PHACTR1: variants seen among roughly 807,000 people sequenced by gnomAD.
PHACTR1 encodes the protein RPEL repeat containing 1.
Under a neutral mutation model 69.2 loss-of-function variants are expected in PHACTR1, and 16 were observed. The ratio of observed to expected loss-of-function variants is 0.23; its 90% CI spans 0.16 to 0.35. PHACTR1 has a LOEUF of 0.35. Ranked by LOEUF, PHACTR1 falls within the 10% of genes least tolerant of loss-of-function variation. The pLI is 1.00. For synonymous variants in PHACTR1, 312 were observed against 284.5 expected, an observed-to-expected ratio of 1.10 and a Z score of -0.97; for missense variants, 510 against 734.7, an observed-to-expected ratio of 0.69 and a Z score of 3.54.
chr6:13,119,534 G>T (rs1203622171), intron 5 of PHACTR1, among the ~76,000 whole-genome samples: 1 of 152,122 alleles, frequency 6.6e-6, no homozygotes, highest in Non-Finnish European at 1.5e-5. Flanking sequence ...GGACCCACTA[G>T]CCCAGAATAG....
chr6:13,041,345 C>T (rs937480518), intron 4 of PHACTR1, among the ~76,000 whole-genome samples: 88 of 144,114 alleles, frequency 6.1e-4, no homozygotes, highest in African/African-American at 2.3e-3. Context: ...TACATACACA[C>T]ACACACACAC....
chr6:12,772,081 C>T (rs191974276), intron 4 of PHACTR1, among the ~76,000 whole-genome samples: 101 of 152,308 alleles, frequency 6.6e-4, no homozygotes, highest in Non-Finnish European at 1.2e-3. Context: ...ATTTCCCATT[C>T]CAGGACATTG....
chr6:12,937,272 A>T (rs1789560150), intron 4 of PHACTR1, among the ~76,000 whole-genome samples: 1 of 152,128 alleles, frequency 6.6e-6, no homozygotes, highest in Non-Finnish European at 1.5e-5. Context: ...GGCCACAACC[A>T]CACTGCCACC....
chr6:13,265,727 T>A (rs2127430687), intron 10 of PHACTR1, among the ~76,000 whole-genome samples: 1 of 152,304 alleles, frequency 6.6e-6, no homozygotes, highest in South Asian at 2.1e-4. Context: ...CTATATTTTC[T>A]TTCCCATTAC....
chr6:13,177,148 G>A (rs1341330619), intron 6 of PHACTR1, among the ~76,000 whole-genome samples: 1 of 118,756 alleles, frequency 8.4e-6, no homozygotes, highest in Non-Finnish European at 1.6e-5. Flanking sequence ...GACCAGCCTT[G>A]GCAAAATAGC....
chr6:12,796,625 A>C (rs1027824287), intron 4 of PHACTR1, among the ~76,000 whole-genome samples: 1 of 152,218 alleles, frequency 6.6e-6, no homozygotes, highest in African/African-American at 2.4e-5. Flanking sequence ...GAGTCTCTGC[A>C]GACACTTAAG....
intron 4 of PHACTR1, among the ~76,000 whole-genome samples, chr6:12,961,824 C>G (rs145570267): frequency 1.3e-5 from 2 of 152,324 alleles, no homozygotes; most frequent in East Asian, 3.9e-4. Context: ...TTCCTGAGGT[C>G]TTGCTCCTTG....
At chr6:12,870,957 C>G (rs1247327112) in intron 4 of PHACTR1, among the ~76,000 whole-genome samples, 1 of 152,202 alleles carries the variant, frequency 6.6e-6, no homozygotes, top group African/African-American at 2.4e-5. Flanking sequence ...AATAAAATGA[C>G]TGTCTTGAGA....
chr6:13,232,053 C>A (rs942595127), intron 10 of PHACTR1, among the ~76,000 whole-genome samples: 1 of 152,170 alleles, frequency 6.6e-6, no homozygotes, highest in African/African-American at 2.4e-5. Flanking sequence ...AGGTGTATAG[C>A]CTTAAGTAAG....
intron 4 of PHACTR1, among the ~76,000 whole-genome samples, chr6:12,976,969 GTGTT>G (rs531538648): frequency 3.2e-3 from 493 of 152,244 alleles, no homozygotes; most frequent in African/African-American, 0.011. Context: ...ATGATCTGCA[GTGTT>G]TGTTTGTTTT....
intron 4 of PHACTR1, among the ~76,000 whole-genome samples, chr6:12,762,099 G>A (rs1768090537): frequency 2.0e-5 from 3 of 152,170 alleles, no homozygotes; most frequent in Admixed American, 1.3e-4. Flanking sequence ...TGCCTTCCGG[G>A]TGTAAGGAGA....
At chr6:12,724,575 TTAAG>T (rs747190583) in intron 3 of PHACTR1, among the ~76,000 whole-genome samples, 1 of 152,148 alleles carries the variant, frequency 6.6e-6, no homozygotes, top group Non-Finnish European at 1.5e-5. Context: ...GCTATTTTGT[TTAAG>T]CTGTCTCATG....
chr6:13,137,975 T>A (rs567300910), intron 5 of PHACTR1, among the ~76,000 whole-genome samples: 7 of 152,184 alleles, frequency 4.6e-5, no homozygotes, highest in African/African-American at 1.7e-4. Flanking sequence ...CAGCAACCAT[T>A]GTCAAAGAGA....
At chr6:12,943,834 ATGTAAAT>A (rs1326816554) in intron 4 of PHACTR1, among the ~76,000 whole-genome samples, 6 of 152,362 alleles carry the variant, frequency 3.9e-5, no homozygotes, top group Admixed American at 2.6e-4. Flanking sequence ...TGAATGGCAC[ATGTAAAT>A]TTATTTTATA....
chr6:12,879,581 C>T (rs2127452923), intron 4 of PHACTR1, among the ~76,000 whole-genome samples: 1 of 152,188 alleles, frequency 6.6e-6, no homozygotes, highest in Middle Eastern at 3.4e-3. Flanking sequence ...GCTTTTTGTC[C>T]CTGTCAGAGA....
intron 4 of PHACTR1, among the ~76,000 whole-genome samples, chr6:12,901,860 A>G (rs1785233247): frequency 6.6e-6 from 1 of 152,162 alleles, no homozygotes; most frequent in Non-Finnish European, 1.5e-5. Flanking sequence ...CAACCACCTT[A>G]GACAGCCTGG....
chr6:13,163,350 G>T (rs1413649619), intron 6 of PHACTR1, among the ~76,000 whole-genome samples: 1 of 152,216 alleles, frequency 6.6e-6, no homozygotes. Flanking sequence ...ACAACTTCCT[G>T]TTTTACTTTG....
chr6:12,923,278 C>A (rs1787912457), intron 4 of PHACTR1, among the ~76,000 whole-genome samples: 1 of 152,030 alleles, frequency 6.6e-6, no homozygotes, highest in South Asian at 2.1e-4. Flanking sequence ...AGGACCTATG[C>A]TTTAATAATA....
chr6:13,251,269 C>G (rs987070635), intron 10 of PHACTR1, among the ~76,000 whole-genome samples: 1 of 152,150 alleles, frequency 6.6e-6, no homozygotes, highest in African/African-American at 2.4e-5. Context: ...GGAGATGGCT[C>G]CTGTGACTGA....
Sources: gnomAD v4.1 joint callset for allele counts (sites outside exome capture counted in the v4.1 genomes callset) on GRCh38, gnomAD v4.1.1 for gene constraint, MANE v1.5 for transcripts, NCBI Gene and HGNC (gene_info 2026-07-23, HGNC 2026-07-21) for gene names.